Variants in ZNF142 observed in about 807,000 individuals in gnomAD.
ZNF142 encodes zinc finger protein 142, also known as zinc finger protein 142 (clone pHZ-49).
Under a neutral mutation model 132.1 loss-of-function variants are expected in ZNF142, and 96 were observed. That is an observed-to-expected ratio of 0.73 (90% CI 0.62 to 0.86). ZNF142 has a LOEUF of 0.86. ZNF142 is among the 40% of genes least tolerant of loss of function. The pLI is 0.00. For missense variants in ZNF142, 2,163 were observed against 2,336.2 expected (o/e 0.93, Z 1.53); for synonymous variants, 842 against 890.1 (o/e 0.95, Z 0.96).
rs1335808052 is a variant in ZNF142, at chr2:218,649,089, C to A, written c.1419G>T (p.Lys473Asn). ...CTGCTGCGGCTGCTGCCGTGTGGCT[C>A]TTGAGGTGCTCCTTTAGGGCCTGGC... Reference protein sequence around the residue: ...RLSQALKEHLKSHTAAAAAEP... With the variant: ...RLSQALKEHLNSHTAAAAAEP... The change falls in exon 7 of 11, where the codon AAG becomes AAT. Residue 473 changes from lysine (K) to asparagine (N), a missense_variant. Lys to Asn is a moderately conservative substitution (Grantham distance 94). This residue lies in a region of ZNF142 where 749 missense variants were observed against 830.3 expected (regional missense o/e 0.90). Coordinates refer to ENST00000411696, the MANE Select transcript of ZNF142 (RefSeq NM_001379659.1). 6.2e-7 allele frequency: 1 copy of A among 1,613,878 alleles called. No homozygotes were observed. Among genetic ancestry groups the A allele is most frequent in the Non-Finnish European group, 8.5e-7 (1 of 1,180,058 alleles).
rs952373083 is a variant in ZNF142, at chr2:218,651,797, C to T, written c.784G>A (p.Val262Ile). 9.2e-5 allele frequency: 119 copies of T among 1,289,754 alleles called. No homozygotes were observed. The highest frequency in any genetic ancestry group is 1.2e-4 in the Non-Finnish European group (115 of 988,902). 79.9% of individuals were successfully genotyped at this position (1,289,754 alleles called of 1,614,324 possible). ...CSHCSFIGSN[V>I]KLFRQHQRSH... ...CGCTGATGCTGCCGGAAGAGTTTGA[C>T]GTTGGAGCCTATGAAGCTGCAGTGG... The change falls in exon 5 of 11, where the codon GTC (valine) becomes ATC (isoleucine). Residue 262 changes from valine (V) to isoleucine (I), a missense_variant. Val to Ile is a conservative substitution (Grantham distance 29). This residue lies in a region of ZNF142 where 63 missense variants were observed against 104.1 expected (regional missense o/e 0.61). Coordinates refer to ENST00000411696, the MANE Select transcript of ZNF142 (RefSeq NM_001379659.1).
intron 4 of ZNF142, among the ~76,000 whole-genome samples, chr2:218,654,808 G>A (rs1455513701): frequency 6.6e-6 from 1 of 152,044 alleles, no homozygotes; most frequent in African/African-American, 2.4e-5. Context: ...GTTTCTGCTG[G>A]GTGCGATGGC....
In ZNF142 at chr2:218,633,435, C is replaced by A; in HGVS notation, c.*4904G>T. Reference sequence around the variant, plus strand: ...CCGTCTATCTGTTGTCAGATTGTGGCCCAGGCTCCTATTTCCAAGCCTGAG... The same window carrying A: ...CCGTCTATCTGTTGTCAGATTGTGGACCAGGCTCCTATTTCCAAGCCTGAG... On this transcript the variant is annotated 3_prime_UTR_variant, in exon 11 of 11. Coordinates refer to ENST00000411696, the MANE Select transcript of ZNF142 (RefSeq NM_001379659.1). 1.3e-6 allele frequency: 1 copy of A among 792,908 alleles called. No individual in the cohort carries two copies. Among genetic ancestry groups the A allele is most frequent in the Non-Finnish European group, 2.2e-6 (1 of 464,986 alleles). 49.1% of individuals were successfully genotyped at this position (792,908 alleles called of 1,614,324 possible). A position where few individuals can be genotyped will look rare whatever the true frequency, so the allele number is the denominator to read the frequency against.
At position 218,651,951 on chromosome 2, in the gene ZNF142, C is replaced by T; in HGVS notation, c.630G>A (p.Leu210=). The T allele has an allele frequency of 9.4e-7, 1 of 1,067,842 alleles. No individual in the cohort carries two copies. Among genetic ancestry groups the T allele is most frequent in the Non-Finnish European group, 1.3e-6 (1 of 786,006 alleles). The allele number at this position is 1,067,842 out of a possible 1,614,324, so 66.1% of individuals were successfully genotyped here. ...TGTGAGTCTGCCTCAGGTGGTGCTGCAGACCCTTGCGATCTTCAGCAGAGA... is the reference window on the plus strand; with the variant it reads ...TGTGAGTCTGCCTCAGGTGGTGCTGTAGACCCTTGCGATCTTCAGCAGAGA... ...CVFSAEDRKG[L]QHHLRQTHRA... is the part of the protein sequence containing the mutation. The change falls in exon 5 of 11, where the codon CTG becomes CTA. Residue 210 remains leucine, a synonymous_variant. Coordinates refer to ENST00000411696, the MANE Select transcript of ZNF142 (RefSeq NM_001379659.1).
In ZNF142 at chr2:218,642,630, T is replaced by C. The variant is rs1256388391; in HGVS notation, c.4486A>G (p.Ser1496Gly). Residue 1496 changes from serine (S) to glycine (G), a missense_variant, in exon 9 of 11, where the codon AGC (serine) becomes GGC (glycine). Coordinates refer to ENST00000411696, the MANE Select transcript of ZNF142 (RefSeq NM_001379659.1). This position sits in a 1 kb window ranked among gnomAD's most constrained non-coding sequence, Gnocchi z 4.6. ...FACSQCEAQFSSETALKQHAL... is the reference protein window; with the variant it reads ...FACSQCEAQFGSETALKQHAL... The stretch of plus-strand genomic sequence containing the variant: ...TGCTGCTTAAGTGCTGTCTCTGAGC[T>C]GAACTGGGCTTCACACTGGGAGCAG... The C allele has an allele frequency of 3.7e-6, 6 of 1,613,932 alleles. No homozygotes were observed. Among genetic ancestry groups the C allele is most frequent in the Non-Finnish European group, 5.1e-6 (6 of 1,180,034 alleles).
At chr2:218,649,562 C>G in intron 6 of ZNF142, 103 bp from the exon 7 acceptor site, 1 of 1,135,208 alleles carries the variant, frequency 8.8e-7, no homozygotes. Flanking sequence ...TGTGTGGCCT[C>G]TCTGCAGGAA....
rs550558712 is a variant in ZNF142, at chr2:218,643,013, C to G, written c.4103G>C (p.Arg1368Pro). Residue 1368 changes from arginine to proline, a missense_variant, in exon 9 of 11, where the codon CGG becomes CCG. By Grantham distance (103) the Arg-to-Pro change is moderately radical (BLOSUM62 -2). Transcript: ENST00000411696. ...ACAGTCCCCACACTGTAGATGGGGC[C>G]GGGGCCCACGGGCTGGGGCTGCAGT... ...HPTAAPARGP[R>P]PHLQCGDCGF... is the part of the protein sequence containing the mutation. 4 of 1,605,080 alleles carry G rather than the reference C, an allele frequency of 2.5e-6. No homozygotes were observed. The African/African-American group carries it at 5.3e-5, about 21-fold the overall frequency.
rs1436359724 is a variant in ZNF142 at position 218,634,104 on chromosome 2, GGCAATGAGTTTGT to G, written c.*4222_*4234del. The stretch of plus-strand genomic sequence containing the variant: ...ATCTCCCTCTCTATACCCTTTTACA[GGCAATGAGTTTGT>G]GCAGCACAATACTTGGCAGTTAAGC... On this transcript the variant is annotated 3_prime_UTR_variant, in exon 11 of 11. Transcript: ENST00000411696. This position sits in a 1 kb window ranked among gnomAD's most constrained non-coding sequence, Gnocchi z 4.0. The G allele has an allele frequency of 6.2e-7, 1 of 1,607,352 alleles. No individual in the cohort carries two copies.
At chr2:218,653,276 CAA>C (rs60913477) in intron 4 of ZNF142, among the ~76,000 whole-genome samples, 26 of 141,454 alleles carry the variant, frequency 1.8e-4, no homozygotes, top group East Asian at 1.4e-3. Context: ...GACTCTGTCT[CAA>C]AAAAAAAAAA....
chr2:218,644,230 C>A lies in ZNF142; in HGVS notation c.2886G>T (p.Val962=). The change falls in exon 9 of 11, where the codon GTG becomes GTT. Residue 962 remains valine, a synonymous_variant. Coordinates refer to ENST00000411696, the MANE Select transcript of ZNF142 (RefSeq NM_001379659.1). This position sits in a 1 kb window ranked among gnomAD's most constrained non-coding sequence, Gnocchi z 4.6. ...AEENPLLEKP[V]SEPSTNPPSL... ...ATGGAGGATTTGTGGAGGGCTCAGA[C>A]ACTGGCTTTTCCAGAAGGGGATTTT... 6.2e-7 allele frequency: 1 copy of A among 1,614,098 alleles called. No homozygotes were observed. Among genetic ancestry groups the A allele is most frequent in the Non-Finnish European group, 8.5e-7 (1 of 1,180,006 alleles).
At position 218,648,828 on chromosome 2, in the gene ZNF142, T is replaced by C; in HGVS notation, c.1680A>G (p.Lys560=). 6.2e-7 allele frequency: 1 copy of C among 1,614,188 alleles called. No individual in the cohort carries two copies. Among genetic ancestry groups the C allele is most frequent in the Non-Finnish European group, 8.5e-7 (1 of 1,180,012 alleles). ...TGCCAGGGTGGCCCTGCTTCTTGTG[T>C]TTACGGAATAGGTGCTTATTGGAAC... The part of the protein sequence containing the change: ...FACSNKHLFR[K]HKKQGHPGSE... The change falls in exon 7 of 11, where the codon AAA becomes AAG. Residue 560 remains lysine (K), a synonymous_variant. Coordinates refer to ENST00000411696, the MANE Select transcript of ZNF142 (RefSeq NM_001379659.1).
Position 218,644,953 on chromosome 2 carries a change from G to T in ZNF142, c.2163C>A (p.Cys721Ter), listed in dbSNP as rs1275585317. ...SLMCEVCAFA[C>*]KRKYELQKHM... ...GCTTCTGCAGCTCATACTTCCGCTT[G>T]CAGGCGAAGGCACACACCTCACACA... The change falls in exon 9 of 11, where the codon TGC (cysteine) becomes TGA (stop). Residue 721 changes from cysteine (C) to a stop codon, truncating the protein, a stop_gained. Transcript: ENST00000411696. LOFTEE classifies it high-confidence loss of function. The surrounding 1 kb of genome is among the most constrained non-coding windows in gnomAD (Gnocchi z 4.6). 1.9e-5 allele frequency: 31 copies of T among 1,614,082 alleles called. No homozygotes were observed. Among genetic ancestry groups the T allele is most frequent in the Non-Finnish European group, 2.4e-5 (28 of 1,180,046 alleles).
rs751814235 is a variant in ZNF142, at chr2:218,642,624, C to T, written c.4492G>A (p.Glu1498Lys). 1 of 1,614,050 alleles carries T rather than the reference C, an allele frequency of 6.2e-7. No individual in the cohort carries two copies. Among genetic ancestry groups the T allele is most frequent in the South Asian group, 1.1e-5 (1 of 91,078 alleles). ...AGAGCATGCTGCTTAAGTGCTGTCTCTGAGCTGAACTGGGCTTCACACTGG... is the reference window on the plus strand; with the variant it reads ...AGAGCATGCTGCTTAAGTGCTGTCTTTGAGCTGAACTGGGCTTCACACTGG... The part of the protein sequence containing the change: ...CSQCEAQFSS[E>K]TALKQHALRR... The change falls in exon 9 of 11, where the codon GAG becomes AAG. Residue 1498 changes from glutamate to lysine, a missense_variant. Physicochemically the swap from Glu to Lys is moderately conservative, Grantham distance 56. Around this residue, in one of 7 missense-constraint regions of ZNF142, gnomAD observed 809 missense variants for 801.7 expected, o/e 1.01. Coordinates refer to ENST00000411696, the MANE Select transcript of ZNF142 (RefSeq NM_001379659.1). This position sits in a 1 kb window ranked among gnomAD's most constrained non-coding sequence, Gnocchi z 4.6.
rs1697463329 is a variant in ZNF142 at position 218,643,671 on chromosome 2, G to A, written c.3445C>T (p.Pro1149Ser). Residue 1149 changes from proline (P) to serine (S), a missense_variant, in exon 9 of 11, where the codon CCA becomes TCA. By Grantham distance (74) the Pro-to-Ser change is moderately conservative. Around this residue, in one of 7 missense-constraint regions of ZNF142, gnomAD observed 809 missense variants for 801.7 expected, o/e 1.01. Coordinates refer to ENST00000411696, the MANE Select transcript of ZNF142 (RefSeq NM_001379659.1). ...GCAAGAGGCTCTTCTGTTTCTTCTGGCTCCCTGGGAAGCTCCAAAGGAGCA... is the reference window on the plus strand; with the variant it reads ...GCAAGAGGCTCTTCTGTTTCTTCTGACTCCCTGGGAAGCTCCAAAGGAGCA... ...KDAPLELPRE[P>S]EETEEPLATV... 2.6e-6 allele frequency: 4 copies of A among 1,553,088 alleles called. No homozygotes were observed. Among genetic ancestry groups the A allele is most frequent in the Non-Finnish European group, 3.5e-6 (4 of 1,154,012 alleles).
At position 218,643,296 on chromosome 2, in the gene ZNF142, CATT is replaced by C; in HGVS notation, c.3817_3819del (p.Asn1273del). 1.9e-6 allele frequency: 3 copies of C among 1,614,208 alleles called. No individual in the cohort carries two copies. Among genetic ancestry groups the C allele is most frequent in the Non-Finnish European group, 2.5e-6 (3 of 1,180,032 alleles). ...CCATTCTTCGGGGGAGCAGAGTCCC[CATT>C]GCTCAACGGGGACACATCAGGCTGG... is the stretch of plus-strand genomic sequence containing the variant. On this transcript the variant is annotated inframe_deletion, in exon 9 of 11. Transcript: ENST00000411696.
Position 218,651,751 on chromosome 2 carries a change from T to C in ZNF142, c.830A>G (p.Gln277Arg), listed in dbSNP as rs1335356066. 3.9e-6 allele frequency: 5 copies of C among 1,289,690 alleles called. No individual in the cohort carries two copies. The highest frequency in any genetic ancestry group is 1.1e-4 in the East Asian group (2 of 18,034). The allele number at this position is 1,289,690 out of a possible 1,614,324, so 79.9% of individuals were successfully genotyped here. Residue 277 changes from glutamine to arginine, a missense_variant, in exon 5 of 11, where the codon CAG becomes CGG. Physicochemically the swap from Gln to Arg is conservative, Grantham distance 43. Transcript: ENST00000411696. ...GCCCTGAACGGCAGAAAGTTCTCCCTGTGTCCCAGCACCATGGCTCCGCTG... is the reference window on the plus strand; with the variant it reads ...GCCCTGAACGGCAGAAAGTTCTCCCCGTGTCCCAGCACCATGGCTCCGCTG... Reference protein sequence around the residue: ...QHQRSHGAGTQGELSAVQGLP... With the variant: ...QHQRSHGAGTRGELSAVQGLP...
intron 3 of ZNF142, among the ~76,000 whole-genome samples, chr2:218,658,267 C>T (rs1938783355): frequency 2.6e-5 from 4 of 152,140 alleles, no homozygotes; most frequent in Admixed American, 1.3e-4. Flanking sequence ...AGGCCGGGCG[C>T]GGTGGCTCAG....
rs1696792933 is a variant in ZNF142 at position 218,636,883 on chromosome 2, C to A, written c.*1456G>T. 4.1e-6 allele frequency: 2 copies of A among 486,174 alleles called. No individual in the cohort carries two copies. Among genetic ancestry groups the A allele is most frequent in the Non-Finnish European group, 8.1e-6 (2 of 247,380 alleles). The allele number at this position is 486,174 out of a possible 1,614,324, so 30.1% of individuals were successfully genotyped here. A position where few individuals can be genotyped will look rare whatever the true frequency, so the allele number is the denominator to read the frequency against. On this transcript the variant is annotated 3_prime_UTR_variant, in exon 11 of 11. Coordinates refer to ENST00000411696, the MANE Select transcript of ZNF142 (RefSeq NM_001379659.1). ...AGGCTCAATCCCATACCGACATCTA[C>A]AACTAATCTTTCCCATCAACTCTGT...
At position 218,634,542 on chromosome 2, in the gene ZNF142, TGAAGCCA is replaced by T; in HGVS notation, c.*3790_*3796del. On this transcript the variant is annotated 3_prime_UTR_variant, in exon 11 of 11. Transcript: ENST00000411696. This position sits in a 1 kb window ranked among gnomAD's most constrained non-coding sequence, Gnocchi z 4.0. ...CAGAATGGCGGCTGTGGCTATGTGCTGAAGCCAGACTTCCTGCGTGATATCCAGAGTT... is the reference window on the plus strand; with the variant it reads ...CAGAATGGCGGCTGTGGCTATGTGCTGACTTCCTGCGTGATATCCAGAGTT... 1 of 1,614,078 alleles carries T rather than the reference TGAAGCCA, an allele frequency of 6.2e-7. No homozygotes were observed. Among genetic ancestry groups the T allele is most frequent in the South Asian group, 1.1e-5 (1 of 91,092 alleles).
Sources: gnomAD v4.1 joint callset for allele counts (sites outside exome capture counted in the v4.1 genomes callset) on GRCh38, gnomAD v4.1.1 for gene constraint, gnomAD v4.1.1 regional missense constraint, Gnocchi (gnomAD v3.1) non-coding constraint, MANE v1.5 for transcripts, NCBI Gene and HGNC (gene_info 2026-07-23, HGNC 2026-07-21) for gene names.